The following ADARB2 variants were observed in gnomAD, a reference collection of about 807,000 sequenced individuals.
The protein encoded by ADARB2 is inactive double-stranded RNA-specific editase B2.
Under a neutral mutation model 62.2 loss-of-function variants are expected in ADARB2, and 25 were observed. The observed-to-expected ratio is 0.40, with a 90% CI of 0.29 to 0.56. The LOEUF is 0.56. ADARB2 is among the 20% of genes least tolerant of loss of function. The probability of loss-of-function intolerance (pLI) is 0.43; values close to 1 mark genes in which losing one functional copy is unlikely to be tolerated. For synonymous variants in ADARB2, 572 were observed against 500.8 expected (o/e 1.14, Z -1.90); for missense variants, 1,071 against 1,077.4 (o/e 0.99, Z 0.08).
intron 4 of ADARB2, among the ~76,000 whole-genome samples, chr10:1,249,413 G>T (rs141468772): frequency 0.026 from 3,840 of 147,206 alleles, 60 homozygotes; most frequent in Middle Eastern, 0.052. Flanking sequence ...CTGCTCTCCA[G>T]CCTGGGTAAC....
At chr10:1,330,266 G>A (rs1484174953) in intron 3 of ADARB2, among the ~76,000 whole-genome samples, 1 of 152,094 alleles carries the variant, frequency 6.6e-6, no homozygotes, top group Non-Finnish European at 1.5e-5. Context: ...GGCTGGCCAT[G>A]GTCATGGCCT....
intron 3 of ADARB2, among the ~76,000 whole-genome samples, chr10:1,298,482 C>T (rs1308995662): frequency 2.0e-5 from 3 of 152,192 alleles, no homozygotes; most frequent in East Asian, 1.9e-4. Context: ...GATGCTATTG[C>T]GCTTAAAACC....
chr10:1,301,492 C>A (rs779607216), intron 3 of ADARB2, among the ~76,000 whole-genome samples: 8 of 152,144 alleles, frequency 5.3e-5, no homozygotes, highest in Admixed American at 4.6e-4. Context: ...TCAATCAATG[C>A]CCAATATAAA....
At chr10:1,735,121 C>T (rs1835285127) in intron 1 of ADARB2, among the ~76,000 whole-genome samples, 1 of 152,174 alleles carries the variant, frequency 6.6e-6, no homozygotes, top group African/African-American at 2.4e-5. Context: ...GGAAATTCTC[C>T]CGCACGCCAG....
At chr10:1,367,289 GCTCT>G (rs1371863759) in intron 2 of ADARB2, among the ~76,000 whole-genome samples, 3 of 152,194 alleles carry the variant, frequency 2.0e-5, no homozygotes, top group African/African-American at 4.8e-5. Flanking sequence ...CTTTGAAAGT[GCTCT>G]CTGTTTGCTA....
chr10:1,206,133 CTCCCTT>C (rs954383697), intron 7 of ADARB2, among the ~76,000 whole-genome samples: 6 of 152,374 alleles, frequency 3.9e-5, no homozygotes, highest in African/African-American at 1.4e-4. Context: ...GTCTCAAAAA[CTCCCTT>C]TCTCTTGATA....
At chr10:1,286,199 C>T (rs1387687752) in intron 3 of ADARB2, among the ~76,000 whole-genome samples, 1 of 152,168 alleles carries the variant, frequency 6.6e-6, no homozygotes, top group Non-Finnish European at 1.5e-5. Flanking sequence ...GAAGCCCCCT[C>T]TCAAACAACA....
intron 1 of ADARB2, among the ~76,000 whole-genome samples, chr10:1,650,854 G>T (rs375953337): frequency 5.3e-5 from 8 of 152,196 alleles, no homozygotes; most frequent in African/African-American, 1.9e-4. Context: ...AAATGCTGAC[G>T]TGGATGTAGC....
At chr10:1,671,668 A>G (rs1208569833) in intron 1 of ADARB2, among the ~76,000 whole-genome samples, 1 of 151,920 alleles carries the variant, frequency 6.6e-6, no homozygotes, top group Non-Finnish European at 1.5e-5. Context: ...TGCCTATAAC[A>G]TTGCATTCCC....
Position 1,398,501 on chromosome 10 carries a change from AC to A in ADARB2, c.101-19342del, listed in dbSNP as rs1248572030. 6.6e-6 allele frequency among the ~76,000 whole-genome samples: 1 copy of A among 151,978 alleles called. No individual in the cohort carries two copies. The highest frequency in any genetic ancestry group is 1.5e-5 in the Non-Finnish European group (1 of 68,008). On this transcript the variant is annotated intron_variant, in intron 1 of 9. Coordinates refer to ENST00000381312, the MANE Select transcript of ADARB2 (RefSeq NM_018702.4). This position sits in a 1 kb window ranked among gnomAD's most constrained non-coding sequence, Gnocchi z 4.1. ...CTCTCCCTGTGGAGCTCCAGTGAAG[AC>A]CCCTCTCCAGGAGCCCCTAACCCCA...
In ADARB2 at chr10:1,281,029, C is replaced by G. The variant is rs1257506451; in HGVS notation, c.1078-9960G>C. On this transcript the variant is annotated intron_variant, in intron 3 of 9. Transcript: ENST00000381312. ...ACTCTGAGTCATAGAAGAGAGAAAT[C>G]CATGAGAAAAAGACAAAGAAAACGT... is the stretch of plus-strand genomic sequence containing the variant. Among the ~76,000 whole-genome samples the G allele has an allele frequency of 3.3e-5, 5 of 152,148 alleles. No homozygotes were observed. In the South Asian group the frequency reaches 1.0e-3, roughly 32 times the overall value.
intron 1 of ADARB2, among the ~76,000 whole-genome samples, chr10:1,597,283 C>G (rs1482665710): frequency 6.6e-6 from 1 of 152,092 alleles, no homozygotes; most frequent in Non-Finnish European, 1.5e-5. Flanking sequence ...ATTTAGGTGA[C>G]TATGATTTTT....
intron 2 of ADARB2, 66 bp downstream of exon 2, chr10:1,379,008 T>A (rs1223250957): frequency 1.4e-6 from 2 of 1,438,778 alleles, no homozygotes; most frequent in East Asian, 2.3e-5. Context: ...TTTTGGGGAC[T>A]GCAGGGGACC....
chr10:1,629,926 G>A (rs1833821456), intron 1 of ADARB2, among the ~76,000 whole-genome samples: 1 of 152,054 alleles, frequency 6.6e-6, no homozygotes, highest in Admixed American at 6.5e-5. Flanking sequence ...TGAGGAGGGA[G>A]GAACCTGACA....
rs540182002 is a variant in ADARB2 at position 1,503,113 on chromosome 10, G to A, written c.101-123953C>T. Among the ~76,000 whole-genome samples, 16 of 152,328 alleles carry A rather than the reference G, an allele frequency of 1.1e-4. No individual in the cohort carries two copies. The East Asian group carries it at 3.1e-3, about 29-fold the overall frequency. ...ACAGCAGCTATCTCCACTATTTAGAGCTTTACTCAGTAAATTATTTTCCTC... is the reference window on the plus strand; with the variant it reads ...ACAGCAGCTATCTCCACTATTTAGAACTTTACTCAGTAAATTATTTTCCTC... On this transcript the variant is annotated intron_variant, in intron 1 of 9. Transcript: ENST00000381312.
intron 4 of ADARB2, among the ~76,000 whole-genome samples, chr10:1,253,591 A>C (rs962243821): frequency 6.6e-6 from 1 of 152,252 alleles, no homozygotes; most frequent in East Asian, 1.9e-4. Flanking sequence ...AAAACTGTGC[A>C]GTCTCAAAGC....
In ADARB2 at chr10:1,504,439, C is replaced by T. The variant is rs556427040; in HGVS notation, c.101-125279G>A. Among the ~76,000 whole-genome samples, 21 of 151,468 alleles carry T rather than the reference C, an allele frequency of 1.4e-4. No homozygotes were observed. The South Asian group carries it at 2.7e-3, about 20-fold the overall frequency. On this transcript the variant is annotated intron_variant, in intron 1 of 9. Transcript: ENST00000381312. ...GACATTCTGAGTGTGTCTGAGTACA[C>T]GTCTCATTGCAGACACGTGTGTACG...
At chr10:1,394,538 T>A (rs1279565668) in intron 1 of ADARB2, among the ~76,000 whole-genome samples, 5 of 152,202 alleles carry the variant, frequency 3.3e-5, no homozygotes, top group African/African-American at 9.7e-5. Flanking sequence ...GCCAAAGTCA[T>A]TTTTCTTGAG....
chr10:1,334,164 G>A (rs573717777), intron 3 of ADARB2, among the ~76,000 whole-genome samples: 5 of 152,332 alleles, frequency 3.3e-5, no homozygotes, highest in South Asian at 2.1e-4. Context: ...GCAGCGGTAC[G>A]GCGGGAAACA....
Sources: gnomAD v4.1 joint callset for allele counts (sites outside exome capture counted in the v4.1 genomes callset) on GRCh38, gnomAD v4.1.1 for gene constraint, Gnocchi (gnomAD v3.1) non-coding constraint, MANE v1.5 for transcripts, NCBI Gene and HGNC (gene_info 2026-07-23, HGNC 2026-07-21) for gene names.